Variants in EFR3A observed in about 807,000 individuals in gnomAD.
The protein encoded by EFR3A is protein EFR3 homolog A.
Under a neutral mutation model 104.4 loss-of-function variants are expected in EFR3A, and 76 were observed. The observed-to-expected ratio is 0.73, with a 90% CI of 0.60 to 0.88. EFR3A has a LOEUF of 0.88. EFR3A is among the 40% of genes least tolerant of loss of function. EFR3A has a pLI of 0.00. For synonymous variants in EFR3A, 330 were observed against 330.0 expected (o/e 1.00, Z 0.00); for missense variants, 985 against 1,012.5 (o/e 0.97, Z 0.37).
At chr8:131,951,289 T>C (rs931373485) in intron 5 of EFR3A, among the ~76,000 whole-genome samples, 1 of 152,142 alleles carries the variant, frequency 6.6e-6, no homozygotes, top group African/African-American at 2.4e-5. Context: ...CAGTAGAGTA[T>C]AGGCCATTTA....
At chr8:131,950,527 T>C (rs182442321) in intron 5 of EFR3A, among the ~76,000 whole-genome samples, 7 of 152,220 alleles carry the variant, frequency 4.6e-5, no homozygotes, top group Non-Finnish European at 1.0e-4. Flanking sequence ...TGACACCTTA[T>C]CACAAGAACC....
intron 1 of EFR3A, among the ~76,000 whole-genome samples, chr8:131,907,276 C>G (rs1427921345): frequency 2.6e-5 from 4 of 152,166 alleles, no homozygotes; most frequent in African/African-American, 9.7e-5. Flanking sequence ...TAAGTAGATT[C>G]TTGTTTATAT....
intron 1 of EFR3A, among the ~76,000 whole-genome samples, chr8:131,915,416 C>G (rs1009319295): frequency 6.6e-6 from 1 of 152,104 alleles, no homozygotes; most frequent in African/African-American, 2.4e-5. Context: ...TTCAATTTTT[C>G]TTGTTTTCCT....
intron 4 of EFR3A, among the ~76,000 whole-genome samples, chr8:131,948,555 C>T (rs1356016736): frequency 1.3e-5 from 2 of 152,108 alleles, no homozygotes; most frequent in East Asian, 3.9e-4. Flanking sequence ...GGCAAGGTAG[C>T]TACTTAGGCT....
At chr8:131,970,732 G>A (rs1191080015) in intron 10 of EFR3A, 89 bp downstream of exon 10, 1 of 1,245,054 alleles carries the variant, frequency 8.0e-7, no homozygotes, top group Admixed American at 2.6e-5. Flanking sequence ...TAGTACATTT[G>A]TCAAAGATGA....
chr8:131,998,633 A>T (rs1304208229), intron 19 of EFR3A, among the ~76,000 whole-genome samples: 3 of 152,048 alleles, frequency 2.0e-5, no homozygotes, highest in African/African-American at 4.8e-5. Context: ...ATATAAAAAG[A>T]TGTATATTAT....
At chr8:131,992,879 A>G (rs1387211896) in intron 18 of EFR3A, among the ~76,000 whole-genome samples, 1 of 152,148 alleles carries the variant, frequency 6.6e-6, no homozygotes, top group East Asian at 1.9e-4. Flanking sequence ...TTTGGGGGGC[A>G]TGGCTTGGGA....
At chr8:131,916,855 T>A (rs1033409319) in intron 1 of EFR3A, among the ~76,000 whole-genome samples, 1 of 152,078 alleles carries the variant, frequency 6.6e-6, no homozygotes, top group Non-Finnish European at 1.5e-5. Context: ...TATGAAACAA[T>A]TTTTTTTAAG....
intron 18 of EFR3A, 78 bp downstream of exon 18, chr8:131,987,780 T>C: frequency 6.9e-7 from 1 of 1,443,740 alleles, no homozygotes; most frequent in Non-Finnish European, 9.3e-7. Context: ...CAGTTAACAA[T>C]GAAAATTAAT....
chr8:132,002,229 G>T, intron 20 of EFR3A, among the ~76,000 whole-genome samples: 1 of 152,098 alleles, frequency 6.6e-6, no homozygotes, highest in East Asian at 1.9e-4. Context: ...AATATTTTAT[G>T]TAGTACCTCG....
At chr8:131,931,663 A>G (rs954646295) in intron 1 of EFR3A, among the ~76,000 whole-genome samples, 1 of 152,096 alleles carries the variant, frequency 6.6e-6, no homozygotes. Context: ...TTCATTACAA[A>G]TGTTGAGTAA....
chr8:131,977,948 T>C (rs548873689), intron 12 of EFR3A, among the ~76,000 whole-genome samples: 1 of 152,274 alleles, frequency 6.6e-6, no homozygotes, highest in South Asian at 2.1e-4. Flanking sequence ...TTTAAAATTT[T>C]AGCTCTCTAC....
intron 22 of EFR3A, 91 bp from the exon 23 acceptor site, chr8:132,010,699 C>T: frequency 1.4e-6 from 2 of 1,452,598 alleles, no homozygotes; most frequent in East Asian, 2.5e-5. Context: ...AGGAGTCTGA[C>T]TTTGATATTC....
At chr8:131,940,272 G>T in intron 1 of EFR3A, 1 of 505,892 alleles carries the variant, frequency 2.0e-6, no homozygotes. Flanking sequence ...TTGGCGGGAT[G>T]TGTATGCATG....
intron 19 of EFR3A, among the ~76,000 whole-genome samples, chr8:131,997,441 C>T (rs966741456): frequency 6.6e-6 from 1 of 152,022 alleles, no homozygotes; most frequent in African/African-American, 2.4e-5. Flanking sequence ...AGCCAACTGA[C>T]TTATGTTTTC....
chr8:131,968,170 G>T, intron 8 of EFR3A, 125 bp from the exon 9 acceptor site: 1 of 784,578 alleles, frequency 1.3e-6, no homozygotes, highest in Non-Finnish European at 1.9e-6. Flanking sequence ...GCTATTTATT[G>T]TCTCATAACA....
chr8:131,944,511 G>A (rs1229683809), intron 2 of EFR3A, among the ~76,000 whole-genome samples: 1 of 152,034 alleles, frequency 6.6e-6, no homozygotes, highest in Non-Finnish European at 1.5e-5. Flanking sequence ...GAAGATGTTA[G>A]AGTCTAATTC....
intron 8 of EFR3A, among the ~76,000 whole-genome samples, chr8:131,962,643 A>G (rs903549982): frequency 4.6e-5 from 7 of 152,206 alleles, no homozygotes; most frequent in African/African-American, 1.7e-4. Flanking sequence ...AACATTAGAC[A>G]GATCAATGAG....
intron 18 of EFR3A, among the ~76,000 whole-genome samples, chr8:131,994,638 C>T (rs1010808134): frequency 6.6e-6 from 1 of 152,054 alleles, no homozygotes; most frequent in Admixed American, 6.6e-5. Context: ...CACTTGAAAG[C>T]TATACTAAGA....
Sources: gnomAD v4.1 joint callset for allele counts (sites outside exome capture counted in the v4.1 genomes callset) on GRCh38, gnomAD v4.1.1 for gene constraint, MANE v1.5 for transcripts, NCBI Gene and HGNC (gene_info 2026-07-23, HGNC 2026-07-21) for gene names.